The following MYH7B variants were observed in gnomAD, a reference collection of about 807,000 sequenced individuals.
MYH7B encodes the protein myosin-7B.
MYH7B carries 205 observed loss-of-function variants against 234.5 expected under a neutral mutation model. The ratio of observed to expected loss-of-function variants is 0.87; its 90% CI spans 0.78 to 0.98. MYH7B has a LOEUF of 0.98. Ranked by LOEUF, MYH7B falls within the 50% of genes least tolerant of loss-of-function variation. The pLI is 0.00. For missense variants in MYH7B, 2,652 were observed against 2,633.4 expected (o/e 1.01, Z -0.15); for synonymous variants, 1,193 against 1,105.0 (o/e 1.08, Z -1.58).
chr20:34,986,251 T>C (rs1297842477), intron 14 of MYH7B, 53 bp downstream of exon 14: 7 of 1,392,366 alleles, frequency 5.0e-6, no homozygotes, highest in Non-Finnish European at 7.0e-6. Flanking sequence ...AGGGGCTGCC[T>C]GGCGCTTCCT....
chr20:34,977,738 G>GGGGGGGGGGGGGGGGGGGGGGCCCCC, intron 4 of MYH7B, 58 bp downstream of exon 4: 6 of 317,134 alleles, frequency 1.9e-5, no homozygotes, highest in Non-Finnish European at 2.9e-5. Context: ...GGGCGGGTGG[G>GGGGGGGGGGGGGGGGGGGGGGCCCCC]TGAGGGTGCC....
chr20:34,996,539 C>T lies in MYH7B; in HGVS notation c.3120+17C>T. 1 of 1,605,590 alleles carries T rather than the reference C, an allele frequency of 6.2e-7. No homozygotes were observed. The highest frequency in any genetic ancestry group is 8.5e-7 in the Non-Finnish European group (1 of 1,175,650). ...GTGGAGGACGTGAGTCAGGGCCACC[C>T]CGAGACTGGGTGGCGGGGCCGGGGT... On this transcript the variant is annotated intron_variant, in intron 29 of 44. Transcript: ENST00000262873.
chr20:34,980,779 G>C (rs369238070), intron 8 of MYH7B, 45 bp downstream of exon 8: 12 of 1,597,738 alleles, frequency 7.5e-6, no homozygotes, highest in South Asian at 4.5e-5. Context: ...CCCCGACCTC[G>C]GTCCCGGGAG....
intron 1 of MYH7B, among the ~76,000 whole-genome samples, chr20:34,957,756 C>G (rs574074795): frequency 6.6e-6 from 1 of 152,290 alleles, no homozygotes; most frequent in South Asian, 2.1e-4. Context: ...TCCCAGAGTG[C>G]TAGGATTACA....
intron 2 of MYH7B, among the ~76,000 whole-genome samples, chr20:34,961,497 T>C (rs2081697371): frequency 2.0e-5 from 3 of 152,246 alleles, no homozygotes; most frequent in African/African-American, 7.2e-5. Context: ...TATTGAGATA[T>C]AATTCATGCA....
chr20:34,987,460 CTCT>C, intron 16 of MYH7B, 94 bp from the exon 17 acceptor site: 4 of 1,418,408 alleles, frequency 2.8e-6, no homozygotes, highest in Non-Finnish European at 2.9e-6. Flanking sequence ...AACTTGACCC[CTCT>C]TAACTTCCCT....
chr20:34,986,773 GC>G lies in MYH7B; in HGVS notation c.905-110del, dbSNP rs2082031783. The G allele has an allele frequency of 3.7e-6, 3 of 801,734 alleles. No homozygotes were observed. In the Admixed American group the frequency reaches 5.8e-5, roughly 15 times the overall value. The allele number at this position is 801,734 out of a possible 1,614,324, so 49.7% of individuals were successfully genotyped here. A position where few individuals can be genotyped will look rare whatever the true frequency, so the allele number is the denominator to read the frequency against. ...CTGGGAGATGAGGTCCTCTGGGAGG[GC>G]CCTAGACTCCTGCTGGGCTTGCCCC... On this transcript the variant is annotated intron_variant, in intron 14 of 44. Coordinates refer to ENST00000262873, the Ensembl canonical transcript of MYH7B.
rs148518492 is a variant in MYH7B at position 34,993,229 on chromosome 20, G to A, written c.2307+4G>A. ...GTACCAGTTTGGCCACACCAAGGTCGGGGCACTGTGGGATCAGGGCTGGCC... is the reference window on the plus strand; with the variant it reads ...GTACCAGTTTGGCCACACCAAGGTCAGGGCACTGTGGGATCAGGGCTGGCC... On this transcript the variant is annotated splice_donor_region_variant and intron_variant, in intron 25 of 44. Coordinates refer to ENST00000262873, the Ensembl canonical transcript of MYH7B. The A allele has an allele frequency of 1.3e-5, 21 of 1,613,796 alleles. No individual in the cohort carries two copies. Among genetic ancestry groups the A allele is most frequent in the African/African-American group, 2.7e-5 (2 of 74,912 alleles).
intron 7 of MYH7B, 50 bp downstream of exon 7, chr20:34,979,854 G>C: frequency 6.3e-7 from 1 of 1,590,728 alleles, no homozygotes; most frequent in Non-Finnish European, 8.5e-7. Context: ...TATGTGGGGC[G>C]GGGCTAGAGA....
chr20:34,972,486 C>A (rs949631233), intron 2 of MYH7B, among the ~76,000 whole-genome samples: 6 of 152,108 alleles, frequency 3.9e-5, no homozygotes, highest in African/African-American at 1.4e-4. Context: ...GGCCATACTT[C>A]TTGTTTCATG....
rs778476737 is a variant in MYH7B, at chr20:34,999,046, CA to C, written c.4191-9del. The C allele has an allele frequency of 5.0e-6, 8 of 1,603,334 alleles. No individual in the cohort carries two copies. In the East Asian group the frequency reaches 1.8e-4, roughly 36 times the overall value. On this transcript the variant is annotated splice_polypyrimidine_tract_variant and intron_variant, in intron 35 of 44. Transcript: ENST00000262873. ...CCATGGTCCACACCTTGTCTGGTTC[CA>C]TGGCCTAGAAAAAAGCTGGCACTGC... is the stretch of plus-strand genomic sequence containing the variant.
intron 2 of MYH7B, among the ~76,000 whole-genome samples, chr20:34,965,949 C>T (rs2081737677): frequency 6.6e-6 from 1 of 152,050 alleles, no homozygotes; most frequent in Non-Finnish European, 1.5e-5. Flanking sequence ...AGGCCAGGGT[C>T]AACATATAGG....
At chr20:34,965,704 C>T (rs1417423410) in intron 2 of MYH7B, among the ~76,000 whole-genome samples, 1 of 152,166 alleles carries the variant, frequency 6.6e-6, no homozygotes, top group Non-Finnish European at 1.5e-5. Context: ...TTAATGTAGT[C>T]AAAGGAAGCC....
rs2081910909 is a variant in MYH7B at position 34,979,652 on chromosome 20, C to T, written c.199-9C>T. On this transcript the variant is annotated splice_polypyrimidine_tract_variant and intron_variant, in intron 6 of 44. Coordinates refer to ENST00000262873, the Ensembl canonical transcript of MYH7B. ...GGTCCCCCGGCCCCTGACACGATCT[C>T]CCTGGTAGGTGCTGATGGTGCGTGA... The T allele has an allele frequency of 6.2e-7, 1 of 1,613,988 alleles. No homozygotes were observed. The highest frequency in any genetic ancestry group is 8.5e-7 in the Non-Finnish European group (1 of 1,180,026).
chr20:34,966,997 G>A (rs910497745), intron 2 of MYH7B, among the ~76,000 whole-genome samples: 4 of 151,940 alleles, frequency 2.6e-5, no homozygotes, highest in African/African-American at 4.8e-5. Context: ...TTAGGAGGCC[G>A]AGGCGGGTGG....
intron 4 of MYH7B, 51 bp downstream of exon 4, chr20:34,977,731 CGGGTGGG>C: frequency 1.7e-4 from 25 of 146,936 alleles, no homozygotes; most frequent in Non-Finnish European, 2.7e-4. Context: ...GGAGGGTGGG[CGGGTGGG>C]TGAGGGTGCC....
intron 22 of MYH7B, 138 bp from the exon 23 acceptor site, chr20:34,990,600 C>T (rs1269688182): frequency 6.2e-6 from 5 of 803,886 alleles, no homozygotes; most frequent in Admixed American, 6.1e-5. Flanking sequence ...AAGGGTCTCC[C>T]ATCACCAGAA....
intron 27 of MYH7B, 25 bp downstream of exon 27, chr20:34,994,426 C>G (rs150178223): frequency 1.9e-6 from 3 of 1,544,042 alleles, no homozygotes; most frequent in African/African-American, 2.8e-5. Context: ...CCCTTGTGAC[C>G]GGGCGTCCCC....
intron 5 of MYH7B, among the ~76,000 whole-genome samples, chr20:34,978,780 T>C (rs1338461105): frequency 6.6e-6 from 1 of 152,072 alleles, no homozygotes; most frequent in Non-Finnish European, 1.5e-5. Context: ...TGTACTGGGG[T>C]CTGTAGGTTA....
Sources: allele counts gnomAD v4.1 joint callset (sites outside exome capture counted in the v4.1 genomes callset), GRCh38; gene constraint gnomAD v4.1.1; transcripts MANE v1.5; gene names NCBI Gene and HGNC (gene_info 2026-07-23, HGNC 2026-07-21).